Variants in XYLT1 observed in about 807,000 individuals in gnomAD.
XYLT1 encodes the protein xylosyltransferase 1.
In XYLT1, 36 loss-of-function variants were observed where a neutral mutation model predicts 91.3. That is an observed-to-expected ratio of 0.39 (90% CI 0.30 to 0.52). The LOEUF (loss-of-function observed/expected upper bound fraction) is 0.52, where lower values mean the gene tolerates loss of function less well. Among genes scored for constraint, XYLT1 ranks in the 20% least tolerant of loss-of-function variants. XYLT1 has a pLI of 0.68. For synonymous variants in XYLT1, 588 were observed against 532.0 expected (o/e 1.11, Z -1.45); for missense variants, 1,242 against 1,284.5 (o/e 0.97, Z 0.51).
At chr16:17,400,462 C>T (rs577177332) in intron 1 of XYLT1, among the ~76,000 whole-genome samples, 102 of 152,060 alleles carry the variant, frequency 6.7e-4, no homozygotes, top group African/African-American at 2.3e-3. Flanking sequence ...TGGTGGCACG[C>T]GCCTGTAATC....
intron 2 of XYLT1, among the ~76,000 whole-genome samples, chr16:17,323,480 A>C (rs1207576900): frequency 1.3e-5 from 2 of 152,216 alleles, no homozygotes; most frequent in Non-Finnish European, 2.9e-5. Flanking sequence ...AATAAAACAC[A>C]TGAAACCAAC....
chr16:17,385,426 T>C (rs1324499433), intron 1 of XYLT1, among the ~76,000 whole-genome samples: 1 of 151,866 alleles, frequency 6.6e-6, no homozygotes, highest in Non-Finnish European at 1.5e-5. Flanking sequence ...AAAGTAGCCT[T>C]GTCTGATTTG....
At chr16:17,380,203 A>G (rs35003134) in intron 1 of XYLT1, among the ~76,000 whole-genome samples, 45,942 of 152,100 alleles carry the variant, frequency 0.3, 7,584 homozygotes, top group Non-Finnish European at 0.38. Context: ...CAGAAGAATC[A>G]CCTGAACCCA....
chr16:17,239,017 G>A (rs1225839820), intron 3 of XYLT1, among the ~76,000 whole-genome samples: 3 of 152,160 alleles, frequency 2.0e-5, no homozygotes, highest in African/African-American at 4.8e-5. Context: ...TGTCTTCTTC[G>A]ATTCCTCCCC....
intron 8 of XYLT1, 30 bp downstream of exon 8, chr16:17,138,325 G>GGAGGCTGGCAGACCATGA (rs2030836503): frequency 6.2e-7 from 1 of 1,602,734 alleles, no homozygotes; most frequent in African/African-American, 1.3e-5. Flanking sequence ...GCATCACTTA[G>GGAGGCTGGCAGACCATGA]GAGGCTGGCA....
intron 11 of XYLT1, among the ~76,000 whole-genome samples, chr16:17,111,275 A>G (rs538187985): frequency 2.6e-5 from 4 of 152,256 alleles, no homozygotes; most frequent in African/African-American, 7.2e-5. Flanking sequence ...ATCAGGAAGT[A>G]TAGCAATTTG....
chr16:17,148,372 T>C (rs944590866), intron 6 of XYLT1, among the ~76,000 whole-genome samples: 1 of 152,258 alleles, frequency 6.6e-6, no homozygotes, highest in South Asian at 2.1e-4. Flanking sequence ...ATATACAAGA[T>C]ATTTATTTAG....
At chr16:17,271,677 C>G (rs1438903252) in intron 2 of XYLT1, among the ~76,000 whole-genome samples, 2 of 152,170 alleles carry the variant, frequency 1.3e-5, no homozygotes, top group African/African-American at 4.8e-5. Context: ...GTCATGTGCC[C>G]TTGTTACAAC....
chr16:17,389,406 T>C (rs2035787409), intron 1 of XYLT1, among the ~76,000 whole-genome samples: 1 of 152,162 alleles, frequency 6.6e-6, no homozygotes, highest in African/African-American at 2.4e-5. Flanking sequence ...CCACCACACC[T>C]CGCTACTATT....
chr16:17,324,090 A>G (rs2034764811), intron 2 of XYLT1, among the ~76,000 whole-genome samples: 1 of 152,162 alleles, frequency 6.6e-6, no homozygotes, highest in Admixed American at 6.5e-5. Flanking sequence ...CCATGCACAC[A>G]TGCTTCCCAA....
At chr16:17,142,132 T>C (rs1348339803) in intron 6 of XYLT1, among the ~76,000 whole-genome samples, 1 of 152,296 alleles carries the variant, frequency 6.6e-6, no homozygotes, top group East Asian at 1.9e-4. Flanking sequence ...GTCTTGAACT[T>C]CTGGCTTCAG....
chr16:17,160,488 A>G (rs1199534469), intron 5 of XYLT1, among the ~76,000 whole-genome samples: 2 of 152,220 alleles, frequency 1.3e-5, no homozygotes, highest in African/African-American at 2.4e-5. Context: ...CAGTTAAGAG[A>G]GGCAGCAGTG....
At chr16:17,178,103 G>A (rs2031984469) in intron 5 of XYLT1, among the ~76,000 whole-genome samples, 1 of 152,034 alleles carries the variant, frequency 6.6e-6, no homozygotes, top group South Asian at 2.1e-4. Context: ...GGTATGCTCT[G>A]GCTGGCAGGA....
At chr16:17,168,460 A>G (rs2031749529) in intron 5 of XYLT1, among the ~76,000 whole-genome samples, 1 of 152,178 alleles carries the variant, frequency 6.6e-6, no homozygotes, top group African/African-American at 2.4e-5. Flanking sequence ...AGGAGGGCAA[A>G]GGCTGAAAAA....
At chr16:17,320,127 A>G (rs1265323483) in intron 2 of XYLT1, among the ~76,000 whole-genome samples, 1 of 152,206 alleles carries the variant, frequency 6.6e-6, no homozygotes, top group African/African-American at 2.4e-5. Flanking sequence ...ACCACTAATC[A>G]ACATTTGTAG....
chr16:17,188,815 C>A (rs2032246063), intron 5 of XYLT1, among the ~76,000 whole-genome samples: 1 of 152,136 alleles, frequency 6.6e-6, no homozygotes, highest in Non-Finnish European at 1.5e-5. Flanking sequence ...TGGGGTGGTG[C>A]CATTATTATG....
At chr16:17,391,222 T>G (rs1322657877) in intron 1 of XYLT1, among the ~76,000 whole-genome samples, 1 of 152,168 alleles carries the variant, frequency 6.6e-6, no homozygotes, top group Non-Finnish European at 1.5e-5. Flanking sequence ...GCATTTCTTT[T>G]ATTTAACACT....
intron 2 of XYLT1, among the ~76,000 whole-genome samples, chr16:17,289,920 C>A (rs76170904): frequency 0.098 from 14,905 of 152,224 alleles, 842 homozygotes; most frequent in African/African-American, 0.14. Flanking sequence ...TGACTTTCTG[C>A]AGAGAACAAA....
intron 9 of XYLT1, among the ~76,000 whole-genome samples, chr16:17,133,664 T>TATTGCTTCAGA (rs1365504832): frequency 6.6e-6 from 1 of 152,178 alleles, no homozygotes; most frequent in Admixed American, 6.5e-5. Flanking sequence ...CCAAAATGCA[T>TATTGCTTCAGA]ATTGCTTCAG....
Sources: allele counts gnomAD v4.1 joint callset (sites outside exome capture counted in the v4.1 genomes callset), GRCh38; gene constraint gnomAD v4.1.1; transcripts MANE v1.5; gene names NCBI Gene and HGNC (gene_info 2026-07-23, HGNC 2026-07-21).